Variants in PSEN1 observed in about 807,000 individuals in gnomAD.
PSEN1 encodes presenilin-1.
Under a neutral mutation model 53.5 loss-of-function variants are expected in PSEN1, and 15 were observed. That is an observed-to-expected ratio of 0.28 (90% CI 0.19 to 0.43). The LOEUF (loss-of-function observed/expected upper bound fraction) is 0.43, where lower values mean the gene tolerates loss of function less well. Ranked by LOEUF, PSEN1 falls within the 20% of genes least tolerant of loss-of-function variation. The probability of loss-of-function intolerance (pLI) is 1.00; values close to 1 mark genes in which losing one functional copy is unlikely to be tolerated. For synonymous variants in PSEN1, 208 were observed against 209.8 expected, an observed-to-expected ratio of 0.99 and a Z score of 0.08; for missense variants, 387 against 571.2, an observed-to-expected ratio of 0.68 and a Z score of 3.29.
Position 73,192,446 on chromosome 14 carries a change from C to G in PSEN1, c.549-198C>G, listed in dbSNP as rs73305053. Among the ~76,000 whole-genome samples, 555 of 151,068 alleles carry G rather than the reference C, an allele frequency of 3.7e-3. 3 individuals are homozygous for G. Among genetic ancestry groups the G allele is most frequent in the African/African-American group, 0.013 (514 of 41,118 alleles). On this transcript the variant is annotated intron_variant, in intron 6 of 11. Transcript: ENST00000324501. ...ACAAAATGAGACCCTGGCTCAAAAA[C>G]AAAAACAAAAACAAAAAAAGAGTAA...
At chr14:73,170,667 T>C in intron 3 of PSEN1, 130 bp from the exon 4 acceptor site, 1 of 949,976 alleles carries the variant, frequency 1.1e-6, no homozygotes. Flanking sequence ...ATACTTCCTG[T>C]ACATTGTTTT....
chr14:73,168,102 T>C (rs1897772599), intron 3 of PSEN1: 2 of 152,140 alleles, frequency 1.3e-5, no homozygotes, highest in Admixed American at 1.3e-4. Context: ...ACTCCTATAA[T>C]CCCAGCACTT....
At chr14:73,207,388 T>C (rs1441770242) in intron 9 of PSEN1, among the ~76,000 whole-genome samples, 1 of 151,856 alleles carries the variant, frequency 6.6e-6, no homozygotes, top group Non-Finnish European at 1.5e-5. Context: ...AGGGCTAACT[T>C]TTATGAGGAA....
intron 3 of PSEN1, chr14:73,167,768 TGGGG>T (rs1897760399): frequency 6.6e-6 from 1 of 150,604 alleles, no homozygotes. Flanking sequence ...TCATTTCTGG[TGGGG>T]TTGGATAAGA....
Position 73,192,749 on chromosome 14 carries a change from A to G in PSEN1, c.654A>G (p.Pro218=), listed in dbSNP as rs115760359. The change falls in exon 7 of 12, where the codon CCA becomes CCG. Residue 218 remains proline, a synonymous_variant. Coordinates refer to ENST00000324501, the MANE Select transcript of PSEN1 (RefSeq NM_000021.4). ...VGMISIHWKG[P]LRLQQAYLIM... Reference sequence around the variant, plus strand: ...TGATTTCCATTCACTGGAAAGGTCCACTTCGACTCCAGCAGGCATATCTCA... The same window carrying G: ...TGATTTCCATTCACTGGAAAGGTCCGCTTCGACTCCAGCAGGCATATCTCA... 6.1e-5 allele frequency: 98 copies of G among 1,614,020 alleles called. No homozygotes were observed. The East Asian group carries it at 2.2e-3, about 36-fold the overall frequency.
At chr14:73,150,345 T>C in intron 3 of PSEN1, among the ~76,000 whole-genome samples, 1 of 152,220 alleles carries the variant, frequency 6.6e-6, no homozygotes, top group East Asian at 1.9e-4. Context: ...TTCTTTTTCC[T>C]CTTTTCTCAG....
At chr14:73,167,392 T>C (rs1480302854) in intron 3 of PSEN1, among the ~76,000 whole-genome samples, 1 of 152,252 alleles carries the variant, frequency 6.6e-6, no homozygotes, top group Non-Finnish European at 1.5e-5. Context: ...AGATTTGGTA[T>C]GTTCAACCTG....
At chr14:73,198,743 G>A (rs1899058035) in intron 8 of PSEN1, among the ~76,000 whole-genome samples, 1 of 152,164 alleles carries the variant, frequency 6.6e-6, no homozygotes, top group South Asian at 2.1e-4. Flanking sequence ...AAGCTTGAAG[G>A]AAAGGTGATG....
intron 6 of PSEN1, among the ~76,000 whole-genome samples, chr14:73,191,533 C>T (rs150764501): frequency 0.02 from 3,093 of 151,842 alleles, 44 homozygotes; most frequent in Non-Finnish European, 0.03. Flanking sequence ...TTCCAAAATA[C>T]GTACATATAT....
At chr14:73,158,720 C>A (rs142880209) in intron 3 of PSEN1, among the ~76,000 whole-genome samples, 2,255 of 152,278 alleles carry the variant, frequency 0.015, 55 homozygotes, top group African/African-American at 0.05. Context: ...CCTTGGCTTC[C>A]CAAAGTGCTG....
Position 73,174,052 on chromosome 14 carries a change from A to C in PSEN1, c.480+345A>C, listed in dbSNP as rs921462501. 22 of 410,670 alleles carry C rather than the reference A, an allele frequency of 5.4e-5. No individual in the cohort carries two copies. In the Middle Eastern group the frequency reaches 2.6e-3, roughly 49 times the overall value. The allele number at this position is 410,670 out of a possible 1,614,324, so 25.4% of individuals were successfully genotyped here. A position where few individuals can be genotyped will look rare whatever the true frequency, so the allele number is the denominator to read the frequency against. ...CATGGAATCTATATGTCATGAAAAA[A>C]TTAGTGTAAAATATATATATTATGA... is the stretch of plus-strand genomic sequence containing the variant. On this transcript the variant is annotated intron_variant, in intron 5 of 11. Transcript: ENST00000324501.
intron 3 of PSEN1, among the ~76,000 whole-genome samples, chr14:73,157,059 A>G (rs1319416015): frequency 6.6e-6 from 1 of 151,644 alleles, no homozygotes; most frequent in Non-Finnish European, 1.5e-5. Context: ...ATCCCTCAGT[A>G]TTCTAGTACC....
At chr14:73,202,801 G>A (rs180886992) in intron 8 of PSEN1, among the ~76,000 whole-genome samples, 27 of 151,726 alleles carry the variant, frequency 1.8e-4, no homozygotes, top group African/African-American at 5.1e-4. Context: ...AAAACTCAAC[G>A]TCTGTGCTCG....
At chr14:73,206,217 C>T (rs1899447732) in intron 8 of PSEN1, 169 bp from the exon 9 acceptor site, 7 of 646,064 alleles carry the variant, frequency 1.1e-5, no homozygotes, top group Non-Finnish European at 1.7e-5. Flanking sequence ...TCTTCTCTTA[C>T]CTGCTAAAAC....
chr14:73,182,636 G>C (rs997351429), intron 5 of PSEN1, among the ~76,000 whole-genome samples: 1 of 152,182 alleles, frequency 6.6e-6, no homozygotes, highest in African/African-American at 2.4e-5. Flanking sequence ...TTGAGATCAG[G>C]AGTTCAAGAC....
At chr14:73,184,576 T>A (rs1595020366) in intron 5 of PSEN1, among the ~76,000 whole-genome samples, 1 of 121,386 alleles carries the variant, frequency 8.2e-6, no homozygotes, top group African/African-American at 3.2e-5. Flanking sequence ...GGCTCCTCAC[T>A]TCCCAGTAGG....
chr14:73,150,202 T>C (rs1393142624), intron 3 of PSEN1, among the ~76,000 whole-genome samples: 1 of 152,202 alleles, frequency 6.6e-6, no homozygotes, highest in African/African-American at 2.4e-5. Flanking sequence ...ATAAGCTTTT[T>C]TTGCTTCTAT....
At chr14:73,158,202 G>T (rs1897418549) in intron 3 of PSEN1, among the ~76,000 whole-genome samples, 1 of 152,070 alleles carries the variant, frequency 6.6e-6, no homozygotes. Flanking sequence ...CTTTGTATGG[G>T]CATATGCTTT....
At chr14:73,154,861 A>G (rs1038915604) in intron 3 of PSEN1, among the ~76,000 whole-genome samples, 5 of 152,192 alleles carry the variant, frequency 3.3e-5, no homozygotes, top group Non-Finnish European at 7.3e-5. Context: ...TTCACTTCTT[A>G]CCTATCAGTG....
Sources: gnomAD v4.1 joint callset for allele counts (sites outside exome capture counted in the v4.1 genomes callset) on GRCh38, gnomAD v4.1.1 for gene constraint, MANE v1.5 for transcripts, NCBI Gene and HGNC (gene_info 2026-07-23, HGNC 2026-07-21) for gene names.